The following SLC15A4 variants were observed in gnomAD, a reference collection of about 807,000 sequenced individuals.
SLC15A4 encodes hPHT1.
SLC15A4 carries 26 observed loss-of-function variants against 46.1 expected under a neutral mutation model. The observed-to-expected ratio is 0.56, with a 90% confidence interval of 0.41 to 0.78. The LOEUF is 0.78. SLC15A4 is among the 30% of genes least tolerant of loss of function. SLC15A4 has a pLI of 0.00. For missense variants in SLC15A4, 751 were observed against 755.7 expected (o/e 0.99, Z 0.07); for synonymous variants, 370 against 333.4 (o/e 1.11, Z -1.20).
Position 128,809,975 on chromosome 12 carries a change from C to T in SLC15A4, c.979G>A (p.Ala327Thr), listed in dbSNP as rs778857534. Residue 327 changes from alanine (A) to threonine (T), a missense_variant, in exon 3 of 8, where the codon GCT becomes ACT. Coordinates refer to ENST00000266771, the MANE Select transcript of SLC15A4 (RefSeq NM_145648.4). ...TACACTGTCCAGTAAGGTATCAAAG[C>T]CAAGAAAACAGGGACAATCTTGACC... ...ALVKIVPVFL[A>T]LIPYWTVYFQ... 6 of 1,614,088 alleles carry T rather than the reference C, an allele frequency of 3.7e-6. No homozygotes were observed. The highest frequency in any genetic ancestry group is 1.3e-5 in the African/African-American group (1 of 75,034).
chr12:128,803,065 G>C (rs967187273), intron 5 of SLC15A4, among the ~76,000 whole-genome samples: 1 of 152,114 alleles, frequency 6.6e-6, no homozygotes, highest in Non-Finnish European at 1.5e-5. Flanking sequence ...CATGGCAAGC[G>C]GGCACCCAGT....
chr12:128,799,815 A>G (rs1030075526), intron 6 of SLC15A4, among the ~76,000 whole-genome samples: 2 of 152,194 alleles, frequency 1.3e-5, no homozygotes, highest in South Asian at 2.1e-4. Context: ...AAATCTACAT[A>G]AGGATTCTAT....
intron 7 of SLC15A4, among the ~76,000 whole-genome samples, chr12:128,798,528 C>A (rs1029736271): frequency 2.6e-5 from 4 of 152,146 alleles, no homozygotes; most frequent in Non-Finnish European, 5.9e-5. Context: ...GGATTTGTAA[C>A]CTAAAAGTGG....
At chr12:128,804,749 A>C (rs1387007668) in intron 5 of SLC15A4, among the ~76,000 whole-genome samples, 1 of 152,176 alleles carries the variant, frequency 6.6e-6, no homozygotes, top group South Asian at 2.1e-4. Context: ...AAAAGTTATC[A>C]AATTTCTTCT....
At chr12:128,810,442 G>T in intron 2 of SLC15A4, 1 of 308,866 alleles carries the variant, frequency 3.2e-6, no homozygotes, top group East Asian at 8.3e-5. Context: ...CAATCTCCGT[G>T]TGGGGAGAGT....
chr12:128,794,097 C>A lies in SLC15A4; in HGVS notation c.*99G>T. 1 of 1,183,058 alleles carries A rather than the reference C, an allele frequency of 8.5e-7. No individual in the cohort carries two copies. The allele number at this position is 1,183,058 out of a possible 1,614,324, so 73.3% of individuals were successfully genotyped here. On this transcript the variant is annotated 3_prime_UTR_variant, in exon 8 of 8. Coordinates refer to ENST00000266771, the MANE Select transcript of SLC15A4 (RefSeq NM_145648.4). ...GGCAACATGCAAGTTTCAGTGAAGT[C>A]AGACATTTTATGGGAATTTAAAGTC...
rs765606311 is a variant in SLC15A4 at position 128,823,379 on chromosome 12, G to A, written c.546+19C>T. 83 of 1,394,424 alleles carry A rather than the reference G, an allele frequency of 6.0e-5. No homozygotes were observed. Among genetic ancestry groups the A allele is most frequent in the South Asian group, 3.1e-5 (2 of 63,782 alleles). 86.4% of individuals were successfully genotyped at this position (1,394,424 alleles called of 1,614,324 possible). On this transcript the variant is annotated intron_variant, in intron 1 of 7. Coordinates refer to ENST00000266771, the MANE Select transcript of SLC15A4 (RefSeq NM_145648.4). ...GGGGCTGGACAGGGACAGGGACAGC[G>A]CGCGGGGGCGCGGCTCACCTGGTCG...
At chr12:128,818,888 C>T (rs1955794859) in intron 1 of SLC15A4, among the ~76,000 whole-genome samples, 1 of 152,214 alleles carries the variant, frequency 6.6e-6, no homozygotes, top group Admixed American at 6.5e-5. Flanking sequence ...GTCTGGCTTC[C>T]TTCATGCAGC....
chr12:128,821,569 A>G (rs1332662082), intron 1 of SLC15A4, among the ~76,000 whole-genome samples: 1 of 152,176 alleles, frequency 6.6e-6, no homozygotes, highest in African/African-American at 2.4e-5. Context: ...CTGGTCACAA[A>G]TGATCCCGTT....
In SLC15A4 at chr12:128,794,023, A is replaced by G. The variant is rs1456224075; in HGVS notation, c.*173T>C. On this transcript the variant is annotated 3_prime_UTR_variant, in exon 8 of 8. Coordinates refer to ENST00000266771, the MANE Select transcript of SLC15A4 (RefSeq NM_145648.4). ...GCGTGCCAGGAGACACGCTGCAGTA[A>G]GGCACTTACCAAGCTCCTTTGGATA... The G allele has an allele frequency of 7.1e-6, 4 of 562,384 alleles. No homozygotes were observed. Among genetic ancestry groups the G allele is most frequent in the Non-Finnish European group, 1.2e-5 (4 of 339,108 alleles). 34.8% of individuals were successfully genotyped at this position (562,384 alleles called of 1,614,324 possible).
intron 5 of SLC15A4, among the ~76,000 whole-genome samples, chr12:128,804,316 A>G (rs1955553433): frequency 6.6e-6 from 1 of 152,292 alleles, no homozygotes; most frequent in African/African-American, 2.4e-5. Flanking sequence ...CAATATTCAC[A>G]GAAAACAAGA....
At chr12:128,808,513 T>C (rs942313715) in intron 5 of SLC15A4, among the ~76,000 whole-genome samples, 5 of 152,210 alleles carry the variant, frequency 3.3e-5, no homozygotes, top group Admixed American at 1.3e-4. Context: ...TCTAAATCAG[T>C]AGGTAGAGAA....
chr12:128,802,140 C>A (rs1031956669), intron 5 of SLC15A4, among the ~76,000 whole-genome samples: 17 of 152,128 alleles, frequency 1.1e-4, no homozygotes, highest in African/African-American at 4.1e-4. Flanking sequence ...CCGCCCTCCA[C>A]GGGAGAAACA....
chr12:128,822,697 GC>G (rs1423061293), intron 1 of SLC15A4, among the ~76,000 whole-genome samples: 1 of 152,136 alleles, frequency 6.6e-6, no homozygotes, highest in African/African-American at 2.4e-5. Context: ...GAGAACAGGT[GC>G]CCGCCACCAC....
In SLC15A4 at chr12:128,800,875, C is replaced by G. The variant is rs763905847; in HGVS notation, c.1393G>C (p.Glu465Gln). The G allele has an allele frequency of 6.2e-7, 1 of 1,613,050 alleles. No homozygotes were observed. Among genetic ancestry groups the G allele is most frequent in the Non-Finnish European group, 8.5e-7 (1 of 1,179,676 alleles). Reference protein sequence around the residue: ...VPQYLLIGISEIFASIAGLEF... With the variant: ...VPQYLLIGISQIFASIAGLEF... The stretch of plus-strand genomic sequence containing the variant: ...TCACCTGCGATACTTGCAAAGATCT[C>G]GCTGATCCCAATCAGCAAGTACTGC... Residue 465 changes from glutamate to glutamine, a missense_variant, in exon 6 of 8, where the codon GAG (glutamate) becomes CAG (glutamine). By Grantham distance (29) the Glu-to-Gln change is conservative. Transcript: ENST00000266771.
At chr12:128,812,724 A>T (rs1429285455) in intron 2 of SLC15A4, among the ~76,000 whole-genome samples, 1 of 152,142 alleles carries the variant, frequency 6.6e-6, no homozygotes, top group Admixed American at 6.5e-5. Flanking sequence ...CACTGTGCTC[A>T]GGCCCCACCG....
At chr12:128,796,947 A>G (rs1955452181) in intron 7 of SLC15A4, among the ~76,000 whole-genome samples, 1 of 152,126 alleles carries the variant, frequency 6.6e-6, no homozygotes, top group Non-Finnish European at 1.5e-5. Flanking sequence ...AGGCAGACAC[A>G]CCACGCCTCG....
At chr12:128,802,155 C>T (rs1168740623) in intron 5 of SLC15A4, among the ~76,000 whole-genome samples, 2 of 152,130 alleles carry the variant, frequency 1.3e-5, no homozygotes, top group African/African-American at 2.4e-5. Flanking sequence ...GAAACATAAA[C>T]GCAGACCCAG....
intron 7 of SLC15A4, 110 bp downstream of exon 7, chr12:128,799,149 C>A (rs138450096): frequency 8.3e-7 from 1 of 1,210,910 alleles, no homozygotes; most frequent in East Asian, 2.3e-5. Context: ...ACAGGCAGCT[C>A]GGGACAGGCC....
Sources: allele counts gnomAD v4.1 joint callset (sites outside exome capture counted in the v4.1 genomes callset), GRCh38; gene constraint gnomAD v4.1.1; transcripts MANE v1.5; gene names NCBI Gene and HGNC (gene_info 2026-07-23, HGNC 2026-07-21).